PI4K2B: variants seen among roughly 807,000 people sequenced by gnomAD.
PI4K2B encodes phosphatidylinositol 4-kinase type 2 beta.
A neutral mutation model predicts 56.6 loss-of-function variants in PI4K2B; 46 were observed. The ratio of observed to expected loss-of-function variants is 0.81; its 90% confidence interval spans 0.64 to 1.04. PI4K2B has a LOEUF of 1.04. Ranked by LOEUF, PI4K2B falls within the 50% of genes least tolerant of loss-of-function variation. The pLI, the probability that PI4K2B is intolerant of heterozygous loss-of-function variation, is 0.00. For synonymous variants in PI4K2B, 211 were observed against 223.8 expected, an observed-to-expected ratio of 0.94 and a Z score of 0.51; for missense variants, 556 against 607.7, an observed-to-expected ratio of 0.91 and a Z score of 0.89.
At chr4:25,251,712 T>C (rs539709826) in intron 1 of PI4K2B, among the ~76,000 whole-genome samples, 1 of 152,206 alleles carries the variant, frequency 6.6e-6, no homozygotes, top group African/African-American at 2.4e-5. Context: ...AACTAGAGGA[T>C]GAAGTAGGAT....
Position 25,234,074 on chromosome 4 carries a change from G to A in PI4K2B, c.-90G>A. On this transcript the variant is annotated 5_prime_UTR_variant, in exon 1 of 10. Transcript: ENST00000264864. ...TGGTGAGGTGGCGTCCGTTCTACCCGGTCGCTCCCGTTCCGCGCCATGCAG... is the reference window on the plus strand; with the variant it reads ...TGGTGAGGTGGCGTCCGTTCTACCCAGTCGCTCCCGTTCCGCGCCATGCAG... The A allele has an allele frequency of 1.8e-6, 2 of 1,114,016 alleles. No individual in the cohort carries two copies. Among genetic ancestry groups the A allele is most frequent in the South Asian group, 4.3e-5 (1 of 23,500 alleles). 69.0% of individuals were successfully genotyped at this position (1,114,016 alleles called of 1,614,324 possible).
chr4:25,259,093 G>A lies in PI4K2B; in HGVS notation c.813G>A (p.Arg271=). The stretch of plus-strand genomic sequence containing the variant: ...ACAAGGAGGCTGAATATTGGCTTAG[G>A]AAATTTGAAGCTGACCCTTTGCCTG... ...EGYKEAEYWL[R]KFEADPLPEN... The change falls in exon 5 of 10, where the codon AGG becomes AGA. Residue 271 remains arginine (R), a synonymous_variant. Coordinates refer to ENST00000264864, the MANE Select transcript of PI4K2B (RefSeq NM_018323.4). The A allele has an allele frequency of 6.3e-7, 1 of 1,591,382 alleles. No individual in the cohort carries two copies. The highest frequency in any genetic ancestry group is 8.6e-7 in the Non-Finnish European group (1 of 1,159,954).
chr4:25,237,464 C>T (rs1422596296), intron 1 of PI4K2B, among the ~76,000 whole-genome samples: 2 of 152,052 alleles, frequency 1.3e-5, no homozygotes, highest in African/African-American at 4.8e-5. Flanking sequence ...AACCTCCACT[C>T]CCCAGGTTCA....
At chr4:25,256,721 C>T (rs766723283) in intron 4 of PI4K2B, 47 bp downstream of exon 4, 1 of 1,560,424 alleles carries the variant, frequency 6.4e-7, no homozygotes, top group South Asian at 1.1e-5. Flanking sequence ...TGGGCACATA[C>T]ATCCTGAGCT....
At chr4:25,238,961 T>C (rs1577674522) in intron 1 of PI4K2B, among the ~76,000 whole-genome samples, 4 of 152,128 alleles carry the variant, frequency 2.6e-5, no homozygotes, top group Admixed American at 2.6e-4. Flanking sequence ...AGCTGATTGG[T>C]CCATTTTGAC....
At chr4:25,245,356 AG>A (rs886874008) in intron 1 of PI4K2B, among the ~76,000 whole-genome samples, 2 of 152,172 alleles carry the variant, frequency 1.3e-5, no homozygotes, top group African/African-American at 4.8e-5. Flanking sequence ...ACTAGGACCC[AG>A]GGGGTAAGGG....
At chr4:25,258,737 T>C (rs1345764549) in intron 4 of PI4K2B, among the ~76,000 whole-genome samples, 1 of 152,196 alleles carries the variant, frequency 6.6e-6, no homozygotes, top group African/African-American at 2.4e-5. Context: ...CGGCATTCTT[T>C]TTCAGAGTGT....
chr4:25,251,143 C>G (rs1264266618), intron 1 of PI4K2B, among the ~76,000 whole-genome samples: 1 of 152,088 alleles, frequency 6.6e-6, no homozygotes, highest in Non-Finnish European at 1.5e-5. Flanking sequence ...TTGGGAGTCA[C>G]CAGTGTTGGT....
rs28708549 is a variant in PI4K2B at position 25,260,669 on chromosome 4, C to T, written c.978+78C>T. The T allele has an allele frequency of 6.9e-3, 2,133 of 308,430 alleles. 47 individuals are homozygous for T. The highest frequency in any genetic ancestry group is 0.045 in the African/African-American group (1,939 of 43,178). The allele number at this position is 308,430 out of a possible 1,614,324, so 19.1% of individuals were successfully genotyped here. A position where few individuals can be genotyped will look rare whatever the true frequency, so the allele number is the denominator to read the frequency against. ...ACACACACACACACACACACATACA[C>T]ACACACACGTGTATATAATTGTGTA... On this transcript the variant is annotated intron_variant, in intron 6 of 9. Coordinates refer to ENST00000264864, the MANE Select transcript of PI4K2B (RefSeq NM_018323.4).
Position 25,262,355 on chromosome 4 carries a change from A to G in PI4K2B, c.979-1395A>G, listed in dbSNP as rs368642739. Among the ~76,000 whole-genome samples, 22 of 152,292 alleles carry G rather than the reference A, an allele frequency of 1.4e-4. No homozygotes were observed. In the East Asian group the frequency reaches 3.9e-3, roughly 27 times the overall value. ...GACCCTGTCTCAAAAAAATAAAAAA[A>G]TTAAAGATAATTAAATAACATAAGC... On this transcript the variant is annotated intron_variant, in intron 6 of 9. Transcript: ENST00000264864.
chr4:25,273,665 A>G (rs1017352524), intron 9 of PI4K2B, among the ~76,000 whole-genome samples: 1 of 152,220 alleles, frequency 6.6e-6, no homozygotes, highest in Non-Finnish European at 1.5e-5. Context: ...GGCCCTTATC[A>G]TCTCTCCTCT....
rs1717204146 is a variant in PI4K2B at position 25,278,922 on chromosome 4, G to A, written c.*1735G>A. ...CAAAAGGTCTGGCCATACCAGAAAA[G>A]TACAGTTGAGATAGTTAAGATATAA... is the stretch of plus-strand genomic sequence containing the variant. On this transcript the variant is annotated 3_prime_UTR_variant, in exon 10 of 10. Transcript: ENST00000264864. 1 of 152,564 alleles carries A rather than the reference G, an allele frequency of 6.6e-6. No individual in the cohort carries two copies. Among genetic ancestry groups the A allele is most frequent in the Non-Finnish European group, 1.5e-5 (1 of 68,014 alleles). The allele number at this position is 152,564 out of a possible 1,614,324, so 9.5% of individuals were successfully genotyped here. A position where few individuals can be genotyped will look rare whatever the true frequency, so the allele number is the denominator to read the frequency against.
At chr4:25,276,872 A>G (rs573622774) in intron 9 of PI4K2B, 142 bp from the exon 10 acceptor site, 5 of 1,346,800 alleles carry the variant, frequency 3.7e-6, no homozygotes, top group Admixed American at 6.2e-5. Context: ...ATACATATTT[A>G]TAACAGGTAC....
chr4:25,271,698 A>G (rs1666263400), intron 9 of PI4K2B, among the ~76,000 whole-genome samples: 1 of 152,226 alleles, frequency 6.6e-6, no homozygotes, highest in Non-Finnish European at 1.5e-5. Context: ...TGACATATCA[A>G]TATGCTTCAT....
At chr4:25,270,170 T>A (rs1716827256) in intron 9 of PI4K2B, among the ~76,000 whole-genome samples, 1 of 152,178 alleles carries the variant, frequency 6.6e-6, no homozygotes, top group Non-Finnish European at 1.5e-5. Flanking sequence ...CAGTACCAAG[T>A]TCTGTTGTCA....
intron 1 of PI4K2B, among the ~76,000 whole-genome samples, chr4:25,238,245 T>C (rs1227730613): frequency 6.6e-6 from 1 of 152,230 alleles, no homozygotes; most frequent in Non-Finnish European, 1.5e-5. Flanking sequence ...TCATGTGGTC[T>C]ATACAGTTAA....
rs1717197731 is a variant in PI4K2B at position 25,278,781 on chromosome 4, T to C, written c.*1594T>C. Reference sequence around the variant, plus strand: ...ACGTTGCAGTGATGTGGGTACTGCTTTCATAAAACAGTTTTTTCAGTATTT... The same window carrying C: ...ACGTTGCAGTGATGTGGGTACTGCTCTCATAAAACAGTTTTTTCAGTATTT... On this transcript the variant is annotated 3_prime_UTR_variant, in exon 10 of 10. Transcript: ENST00000264864. 2 of 152,664 alleles carry C rather than the reference T, an allele frequency of 1.3e-5. No individual in the cohort carries two copies. The highest frequency in any genetic ancestry group is 4.1e-4 in the South Asian group (2 of 4,836). The allele number at this position is 152,664 out of a possible 1,614,324, so 9.5% of individuals were successfully genotyped here.
intron 9 of PI4K2B, among the ~76,000 whole-genome samples, chr4:25,274,041 ACTC>A (rs1298547818): frequency 6.6e-6 from 1 of 150,760 alleles, no homozygotes; most frequent in Non-Finnish European, 1.5e-5. Flanking sequence ...GTCTTCCTAA[ACTC>A]CTCCTGTTCT....
At chr4:25,238,480 A>G (rs1715362044) in intron 1 of PI4K2B, among the ~76,000 whole-genome samples, 3 of 152,164 alleles carry the variant, frequency 2.0e-5, no homozygotes, top group Admixed American at 2.0e-4. Flanking sequence ...TCAAGAATGA[A>G]GCCATGGACC....
Sources: gnomAD v4.1 joint callset for allele counts (sites outside exome capture counted in the v4.1 genomes callset) on GRCh38, gnomAD v4.1.1 for gene constraint, MANE v1.5 for transcripts, NCBI Gene and HGNC (gene_info 2026-07-23, HGNC 2026-07-21) for gene names.